The following GRIN2B variants were observed in gnomAD, a reference collection of about 807,000 sequenced individuals.
GRIN2B encodes glutamate receptor ionotropic, NMDA 2B.
Under a neutral mutation model 114.5 loss-of-function variants are expected in GRIN2B, and 5 were observed. That is an observed-to-expected ratio of 0.04 (90% CI 0.02 to 0.09). The LOEUF is 0.09. Among genes scored for constraint, GRIN2B ranks in the 10% least tolerant of loss-of-function variants. The pLI is 1.00. For missense variants in GRIN2B, 1,108 were observed against 1,943.5 expected, an observed-to-expected ratio of 0.57 and a Z score of 8.08; for synonymous variants, 787 against 745.1, an observed-to-expected ratio of 1.06 and a Z score of -0.92.
intron 10 of GRIN2B, among the ~76,000 whole-genome samples, chr12:13,578,184 G>A (rs188868527): frequency 2.2e-4 from 33 of 152,142 alleles, no homozygotes; most frequent in East Asian, 1.5e-3. Flanking sequence ...CCTCCCATTC[G>A]GTTGACTAAA....
chr12:13,540,978 C>A lies in GRIN2B; in HGVS notation c.*21805G>T, dbSNP rs1320745883. 1.3e-5 allele frequency: 2 copies of A among 152,270 alleles called. No individual in the cohort carries two copies. The highest frequency in any genetic ancestry group is 4.8e-5 in the African/African-American group (2 of 41,438). 9.4% of individuals were successfully genotyped at this position (152,270 alleles called of 1,614,324 possible). A position where few individuals can be genotyped will look rare whatever the true frequency, so the allele number is the denominator to read the frequency against. ...TTGCAACGCAACCCCATAGTGGATG[C>A]ATATCATGTTTCCATCATCACCCCC... On this transcript the variant is annotated 3_prime_UTR_variant, in exon 14 of 14. Transcript: ENST00000609686.
intron 2 of GRIN2B, among the ~76,000 whole-genome samples, chr12:13,929,475 T>C (rs778164533): frequency 6.6e-6 from 1 of 152,174 alleles, no homozygotes; most frequent in Non-Finnish European, 1.5e-5. Flanking sequence ...CCAGATCCAA[T>C]CCTGAGTTTG....
intron 4 of GRIN2B, among the ~76,000 whole-genome samples, chr12:13,719,299 C>A (rs1427910837): frequency 6.6e-6 from 1 of 152,020 alleles, no homozygotes; most frequent in Non-Finnish European, 1.5e-5. Context: ...GGCTTTTTCC[C>A]AGTTGAATAA....
chr12:13,687,716 T>G (rs891777699), intron 4 of GRIN2B, among the ~76,000 whole-genome samples: 3 of 152,216 alleles, frequency 2.0e-5, no homozygotes, highest in South Asian at 4.1e-4. Context: ...AATTTCATCT[T>G]TAACACATGA....
At chr12:13,619,715 T>G (rs940178254) in intron 5 of GRIN2B, among the ~76,000 whole-genome samples, 25 of 152,236 alleles carry the variant, frequency 1.6e-4, no homozygotes, top group African/African-American at 5.8e-4. Flanking sequence ...TGACCATATC[T>G]AGTAATCTCA....
intron 3 of GRIN2B, among the ~76,000 whole-genome samples, chr12:13,837,906 T>C (rs1249786553): frequency 6.6e-6 from 1 of 152,100 alleles, no homozygotes; most frequent in East Asian, 1.9e-4. Context: ...CCTCCCTGCC[T>C]CCCTAGGAGC....
At chr12:13,754,331 C>T (rs140222648) in intron 3 of GRIN2B, among the ~76,000 whole-genome samples, 1 of 152,330 alleles carries the variant, frequency 6.6e-6, no homozygotes, top group African/African-American at 2.4e-5. Context: ...TATACAAACA[C>T]AAATGCACAT....
intron 3 of GRIN2B, among the ~76,000 whole-genome samples, chr12:13,802,275 G>T (rs750567507): frequency 3.9e-5 from 6 of 152,060 alleles, no homozygotes; most frequent in Non-Finnish European, 5.9e-5. Flanking sequence ...AACTTCACTA[G>T]TAAATCAACT....
At chr12:13,824,465 A>T (rs1864993711) in intron 3 of GRIN2B, among the ~76,000 whole-genome samples, 2 of 152,114 alleles carry the variant, frequency 1.3e-5, no homozygotes, top group East Asian at 3.9e-4. Context: ...CTCTATAGTG[A>T]TATCCCCCTT....
chr12:13,809,546 C>T (rs1356279872), intron 3 of GRIN2B, among the ~76,000 whole-genome samples: 1 of 152,080 alleles, frequency 6.6e-6, no homozygotes, highest in African/African-American at 2.4e-5. Context: ...TCCTAAAATG[C>T]TAATCTAAGA....
chr12:13,670,145 A>C (rs759832111), intron 5 of GRIN2B: 7 of 151,952 alleles, frequency 4.6e-5, no homozygotes, highest in Non-Finnish European at 8.8e-5. Context: ...ATGCACTTTC[A>C]TTTCTAGTCT....
At chr12:13,965,044 C>T (rs1040748936) in intron 2 of GRIN2B, among the ~76,000 whole-genome samples, 1 of 152,192 alleles carries the variant, frequency 6.6e-6, no homozygotes, top group South Asian at 2.1e-4. Flanking sequence ...ATTTTGACCA[C>T]CATCTATTTA....
chr12:13,758,347 A>C (rs895652618), intron 3 of GRIN2B, among the ~76,000 whole-genome samples: 1 of 152,100 alleles, frequency 6.6e-6, no homozygotes, highest in African/African-American at 2.4e-5. Flanking sequence ...ACCTGACTCT[A>C]CCCATTTCCC....
intron 2 of GRIN2B, among the ~76,000 whole-genome samples, chr12:13,904,367 A>G (rs896494420): frequency 4.6e-5 from 7 of 152,058 alleles, no homozygotes; most frequent in Non-Finnish European, 1.0e-4. Flanking sequence ...CAAAGTTTAG[A>G]GTTAATTCAT....
At chr12:13,665,755 G>C (rs1481236897) in intron 5 of GRIN2B, among the ~76,000 whole-genome samples, 1 of 152,138 alleles carries the variant, frequency 6.6e-6, no homozygotes, top group African/African-American at 2.4e-5. Context: ...ATAAAAGTCA[G>C]ATGTATTCAT....
intron 5 of GRIN2B, among the ~76,000 whole-genome samples, chr12:13,660,355 C>A (rs1949909792): frequency 6.6e-6 from 1 of 152,136 alleles, no homozygotes; most frequent in Admixed American, 6.5e-5. Flanking sequence ...TAAAAGGGTA[C>A]ATTTCTTGAG....
intron 4 of GRIN2B, among the ~76,000 whole-genome samples, chr12:13,688,972 C>T (rs193027203): frequency 2.9e-4 from 44 of 152,280 alleles, no homozygotes; most frequent in Non-Finnish European, 4.4e-4. Context: ...CTAGATACTA[C>T]CATGCTATGT....
intron 3 of GRIN2B, among the ~76,000 whole-genome samples, chr12:13,843,835 T>A (rs549345496): frequency 6.6e-6 from 1 of 152,348 alleles, no homozygotes; most frequent in Non-Finnish European, 1.5e-5. Context: ...ATGTGTCATG[T>A]TATATTGGCA....
rs979029328 is a variant in GRIN2B at position 13,981,510 on chromosome 12, A to C, written c.-616T>G. ...GGATATGCATTCGGACGCCAGCACT[A>C]CTGGATGGTGGTGATCAAGAATCAC... On this transcript the variant is annotated 5_prime_UTR_variant, in exon 1 of 14. Coordinates refer to ENST00000609686, the MANE Select transcript of GRIN2B (RefSeq NM_000834.5). 2 of 151,850 alleles carry C rather than the reference A, an allele frequency of 1.3e-5. No individual in the cohort carries two copies. The highest frequency in any genetic ancestry group is 4.8e-5 in the African/African-American group (2 of 41,360). 9.4% of individuals were successfully genotyped at this position (151,850 alleles called of 1,614,324 possible).
Sources: gnomAD v4.1 joint callset for allele counts (sites outside exome capture counted in the v4.1 genomes callset) on GRCh38, gnomAD v4.1.1 for gene constraint, MANE v1.5 for transcripts, NCBI Gene and HGNC (gene_info 2026-07-23, HGNC 2026-07-21) for gene names.